The following KATNB1 variants were observed in gnomAD, a reference collection of about 807,000 sequenced individuals.
The protein encoded by KATNB1 is katanin p80 WD40 repeat-containing subunit B1.
A neutral mutation model predicts 82.3 loss-of-function variants in KATNB1; 38 were observed. That is an observed-to-expected ratio of 0.46 (90% CI 0.36 to 0.61). The LOEUF is 0.61. Among genes scored for constraint, KATNB1 ranks in the 20% least tolerant of loss-of-function variants. The probability of loss-of-function intolerance (pLI) is 0.00; values close to 1 mark genes in which losing one functional copy is unlikely to be tolerated. For missense variants in KATNB1, 749 were observed against 915.7 expected (o/e 0.82, Z 2.35); for synonymous variants, 361 against 368.7 (o/e 0.98, Z 0.24).
At position 57,755,345 on chromosome 16, in the gene KATNB1, G is replaced by T; in HGVS notation, c.1417G>T (p.Ala473Ser). 6.2e-7 allele frequency: 1 copy of T among 1,613,046 alleles called. No homozygotes were observed. The change falls in exon 16 of 20, where the codon GCC becomes TCC. Residue 473 changes from alanine to serine, a missense_variant and splice_region_variant. Physicochemically the swap from Ala to Ser is moderately conservative, Grantham distance 99. Around this residue, in one of 3 missense-constraint regions of KATNB1, gnomAD observed 407 missense variants for 434.7 expected, o/e 0.94. Coordinates refer to ENST00000379661, the MANE Select transcript of KATNB1 (RefSeq NM_005886.3). ...IGLKASDFLPAVKIPQQAELV... is the reference protein window; with the variant it reads ...IGLKASDFLPSVKIPQQAELV... ...GCATCTGGGTGTCCATCCCACGCAG[G>T]CCGTGAAGATCCCCCAGCAGGCCGA... is the stretch of plus-strand genomic sequence containing the variant.
Position 57,756,916 on chromosome 16 carries a change from G to T in KATNB1, c.1938G>T (p.Glu646Asp). The part of the protein sequence containing the change: ...LSGRHGSTFR[E>D]LHLLMASLD ...GCCGCCATGGCAGTACCTTCCGCGA[G>T]CTGCACCTGCTCATGGCCAGTCTGG... is the stretch of plus-strand genomic sequence containing the variant. Residue 646 changes from glutamate to aspartate, a missense_variant, in exon 20 of 20, where the codon GAG (glutamate) becomes GAT (aspartate). Physicochemically the swap from Glu to Asp is conservative, Grantham distance 45. This residue lies in a region of KATNB1 where 95 missense variants were observed against 131.6 expected (regional missense o/e 0.72). Coordinates refer to ENST00000379661, the MANE Select transcript of KATNB1 (RefSeq NM_005886.3). The T allele has an allele frequency of 6.5e-7, 1 of 1,549,732 alleles. No homozygotes were observed. Among genetic ancestry groups the T allele is most frequent in the East Asian group, 2.4e-5 (1 of 41,036 alleles).
Position 57,755,931 on chromosome 16 carries a change from GA to G in KATNB1, c.1643+15del, listed in dbSNP as rs782470042. 6.2e-6 allele frequency: 10 copies of G among 1,605,570 alleles called. No homozygotes were observed. Among genetic ancestry groups the G allele is most frequent in the Non-Finnish European group, 8.5e-6 (10 of 1,173,792 alleles). The stretch of plus-strand genomic sequence containing the variant: ...CAACCAGAAAGCGTAAGTGGCTGCA[GA>G]GGGGGAGTGGGCGGAGGGGCAGGGC... On this transcript the variant is annotated intron_variant, in intron 17 of 19. Transcript: ENST00000379661.
chr16:57,736,756 C>T (rs2049103119), intron 1 of KATNB1: 20 of 334,750 alleles, frequency 6.0e-5, no homozygotes, highest in South Asian at 4.7e-4. Flanking sequence ...AGCTGCAGCT[C>T]ATTATCCTGG....
chr16:57,754,023 G>T (rs1555584723), intron 13 of KATNB1, 28 bp downstream of exon 13: 1 of 1,590,184 alleles, frequency 6.3e-7, no homozygotes, highest in Admixed American at 1.7e-5. Flanking sequence ...GGTTTCCCAA[G>T]GTCTCTGATG....
At chr16:57,740,856 C>T (rs1006311656) in intron 2 of KATNB1, among the ~76,000 whole-genome samples, 3 of 152,168 alleles carry the variant, frequency 2.0e-5, no homozygotes, top group Non-Finnish European at 4.4e-5. Flanking sequence ...CCTCTGGTGC[C>T]CGCCCAGGCC....
chr16:57,753,148 C>A lies in KATNB1; in HGVS notation c.927C>A (p.Gly309=), dbSNP rs2049242942. The part of the protein sequence containing the change: ...VVDLTRVTRT[G]TVARDPVQDH... ...ATCTGACGCGTGTCACCAGGACTGGCACGGTGGCCCGGGACCCTGTGCAGG... is the reference window on the plus strand; with the variant it reads ...ATCTGACGCGTGTCACCAGGACTGGAACGGTGGCCCGGGACCCTGTGCAGG... The change falls in exon 11 of 20, where the codon GGC becomes GGA. Residue 309 remains glycine (G), a synonymous_variant. Coordinates refer to ENST00000379661, the MANE Select transcript of KATNB1 (RefSeq NM_005886.3). 1 of 1,611,300 alleles carries A rather than the reference C, an allele frequency of 6.2e-7. No individual in the cohort carries two copies. Among genetic ancestry groups the A allele is most frequent in the Non-Finnish European group, 8.5e-7 (1 of 1,179,758 alleles).
At chr16:57,748,857 G>A (rs2049203692) in intron 4 of KATNB1, among the ~76,000 whole-genome samples, 1 of 152,242 alleles carries the variant, frequency 6.6e-6, no homozygotes, top group African/African-American at 2.4e-5. Flanking sequence ...CATCCTCTCT[G>A]GGCAGGGCAG....
At chr16:57,740,790 AC>A (rs1334087390) in intron 2 of KATNB1, among the ~76,000 whole-genome samples, 2 of 150,992 alleles carry the variant, frequency 1.3e-5, no homozygotes, top group African/African-American at 4.9e-5. Context: ...GTCAGCCCTC[AC>A]CCCCACCCCA....
chr16:57,754,203 C>T (rs2049256614), intron 13 of KATNB1, among the ~76,000 whole-genome samples: 1 of 152,140 alleles, frequency 6.6e-6, no homozygotes, highest in African/African-American at 2.4e-5. Flanking sequence ...AGCCTGTGCC[C>T]TGGTGTGTGG....
intron 4 of KATNB1, among the ~76,000 whole-genome samples, chr16:57,747,807 G>A (rs987878629): frequency 3.3e-5 from 5 of 152,206 alleles, no homozygotes; most frequent in South Asian, 2.1e-4. Flanking sequence ...CGAGGGCGCC[G>A]TGCCCCCTGT....
Position 57,753,089 on chromosome 16 carries a change from T to G in KATNB1, c.868T>G (p.Phe290Val). ...ICNDQLIGVA[F>V]SQSNVSSYVV... ...CCGCTTTCTGCAGATAGGTGTGGCC[T>G]TCTCCCAGAGCAACGTCTCCTCCTA... Residue 290 changes from phenylalanine to valine, a missense_variant, in exon 11 of 20, where the codon TTC (phenylalanine) becomes GTC (valine). Phe to Val is a conservative substitution (Grantham distance 50). Coordinates refer to ENST00000379661, the MANE Select transcript of KATNB1 (RefSeq NM_005886.3). 1.2e-6 allele frequency: 2 copies of G among 1,604,272 alleles called. No homozygotes were observed. Among genetic ancestry groups the G allele is most frequent in the Non-Finnish European group, 1.7e-6 (2 of 1,175,306 alleles).
intron 4 of KATNB1, among the ~76,000 whole-genome samples, chr16:57,745,311 CG>C (rs2049175159): frequency 4.2e-5 from 5 of 119,286 alleles, no homozygotes; most frequent in Non-Finnish European, 7.2e-5. Flanking sequence ...GTTGGGAGTT[CG>C]AGACCAGCCT....
chr16:57,746,122 C>T (rs1333474544), intron 4 of KATNB1, among the ~76,000 whole-genome samples: 1 of 152,186 alleles, frequency 6.6e-6, no homozygotes, highest in Non-Finnish European at 1.5e-5. Flanking sequence ...TGGAGAACTT[C>T]CATGGCTGAA....
chr16:57,744,284 T>C, intron 3 of KATNB1, 110 bp from the exon 4 acceptor site: 1 of 926,312 alleles, frequency 1.1e-6, no homozygotes, highest in East Asian at 2.5e-5. Flanking sequence ...GGGCTCCCCC[T>C]CCTGCCTTAG....
chr16:57,747,111 A>G (rs546513416), intron 4 of KATNB1, among the ~76,000 whole-genome samples: 2 of 152,204 alleles, frequency 1.3e-5, no homozygotes, highest in South Asian at 4.2e-4. Context: ...TGAACTCCTG[A>G]CCTCAGGTGA....
chr16:57,736,184 G>A (rs1223277124), intron 1 of KATNB1: 1 of 152,648 alleles, frequency 6.6e-6, no homozygotes, highest in Admixed American at 6.5e-5. Context: ...TATGGGAAAG[G>A]GCAGTAACGG....
intron 4 of KATNB1, among the ~76,000 whole-genome samples, chr16:57,747,553 A>C (rs1248150028): frequency 6.6e-6 from 1 of 152,228 alleles, no homozygotes; most frequent in Admixed American, 6.5e-5. Flanking sequence ...CTTTGATAAC[A>C]AACAGGACTG....
intron 4 of KATNB1, among the ~76,000 whole-genome samples, chr16:57,749,301 C>T (rs1351687084): frequency 1.3e-5 from 2 of 152,220 alleles, no homozygotes; most frequent in Non-Finnish European, 2.9e-5. Context: ...CATTCTGTGA[C>T]CCAACATGAG....
chr16:57,746,518 G>A (rs117542847), intron 4 of KATNB1, among the ~76,000 whole-genome samples: 4,000 of 152,342 alleles, frequency 0.026, 81 homozygotes, highest in Non-Finnish European at 0.04. Context: ...CCTCAGTTCT[G>A]GGCTGAGCGG....
Sources: gnomAD v4.1 joint callset for allele counts (sites outside exome capture counted in the v4.1 genomes callset) on GRCh38, gnomAD v4.1.1 for gene constraint, gnomAD v4.1.1 regional missense constraint, MANE v1.5 for transcripts, NCBI Gene and HGNC (gene_info 2026-07-23, HGNC 2026-07-21) for gene names.